CSMD2: variants seen among roughly 807,000 people sequenced by gnomAD.
The protein encoded by CSMD2 is CUB and sushi domain-containing protein 2.
Under a neutral mutation model 398.5 loss-of-function variants are expected in CSMD2, and 130 were observed. That is an observed-to-expected ratio of 0.33 (90% CI 0.28 to 0.38). CSMD2 has a LOEUF of 0.38. CSMD2 is among the 10% of genes least tolerant of loss of function. The pLI is 1.00. For synonymous variants in CSMD2, 1,828 were observed against 1,908.5 expected, an observed-to-expected ratio of 0.96 and a Z score of 1.10; for missense variants, 3,829 against 4,764.9, an observed-to-expected ratio of 0.80 and a Z score of 5.78.
chr1:33,738,770 A>T lies in CSMD2; in HGVS notation c.2368+370T>A, dbSNP rs1016017826. On this transcript the variant is annotated intron_variant, in intron 15 of 70. Transcript: ENST00000373381. ...GAAAGAGTGACAGGCAGCTTGAAAG[A>T]CCCGAAAACTCGCAGCGCTGCCAAT... Among the ~76,000 whole-genome samples the T allele has an allele frequency of 2.0e-5, 3 of 152,028 alleles. No homozygotes were observed. The East Asian group carries it at 5.8e-4, about 29-fold the overall frequency.
chr1:33,833,604 C>A (rs1341233707), intron 6 of CSMD2, among the ~76,000 whole-genome samples: 1 of 148,570 alleles, frequency 6.7e-6, no homozygotes, highest in African/African-American at 2.5e-5. Flanking sequence ...GACAGGGATG[C>A]CCTCTCTCAC....
chr1:34,072,665 G>A (rs919612266), intron 2 of CSMD2, among the ~76,000 whole-genome samples: 3 of 152,188 alleles, frequency 2.0e-5, no homozygotes, highest in African/African-American at 7.2e-5. Flanking sequence ...AGCAGACTTG[G>A]TGAATGAGCA....
chr1:33,727,580 A>G (rs1351550812), intron 15 of CSMD2, among the ~76,000 whole-genome samples: 1 of 152,070 alleles, frequency 6.6e-6, no homozygotes, highest in Admixed American at 6.5e-5. Context: ...AGTGCTGTAC[A>G]TCATGTCTCT....
intron 1 of CSMD2, among the ~76,000 whole-genome samples, chr1:34,142,501 C>T (rs1004640616): frequency 6.6e-6 from 1 of 152,210 alleles, no homozygotes; most frequent in Non-Finnish European, 1.5e-5. Flanking sequence ...CTGTTCAAGG[C>T]AGGCAGAAGG....
chr1:33,772,720 G>A lies in CSMD2; in HGVS notation c.1695C>T (p.Gly565=), dbSNP rs1214862559. 1.2e-6 allele frequency: 2 copies of A among 1,613,998 alleles called. No individual in the cohort carries two copies. The highest frequency in any genetic ancestry group is 2.2e-5 in the South Asian group (2 of 91,066). ...CTTCCCTCCGGCCATATGCAGGTAT[G>A]CCAGGGTCACCGCAACTGCCCTGCT... is the stretch of plus-strand genomic sequence containing the variant. The part of the protein sequence containing the change: ...EIEQGSCGDP[G]IPAYGRREGS... The change falls in exon 13 of 71, where the codon GGC becomes GGT. Residue 565 remains glycine (G), a synonymous_variant. Transcript: ENST00000373381.
chr1:33,827,477 C>T (rs1658963149), intron 6 of CSMD2, among the ~76,000 whole-genome samples: 1 of 152,220 alleles, frequency 6.6e-6, no homozygotes, highest in African/African-American at 2.4e-5. Context: ...AGTGTTTGTG[C>T]AAACACCATT....
intron 65 of CSMD2, among the ~76,000 whole-genome samples, chr1:33,525,272 A>G (rs1654671312): frequency 6.6e-6 from 1 of 152,232 alleles, no homozygotes; most frequent in African/African-American, 2.4e-5. Context: ...AGCATCATTC[A>G]CAATGTCCAA....
chr1:33,920,542 CAAAA>C (rs58865984), intron 4 of CSMD2, among the ~76,000 whole-genome samples: 4 of 84,214 alleles, frequency 4.7e-5, no homozygotes, highest in Middle Eastern at 8.3e-3. Context: ...CAATCTGTCT[CAAAA>C]AAAAAAAAAA....
chr1:33,575,976 T>C (rs1483869745), intron 49 of CSMD2, among the ~76,000 whole-genome samples: 1 of 152,194 alleles, frequency 6.6e-6, no homozygotes, highest in Non-Finnish European at 1.5e-5. Context: ...TGGCAATGTT[T>C]TCTTCTTTTT....
At chr1:34,165,673 A>G (rs1641824993), upstream of CSMD2, 3 of 1,415,010 alleles carry the variant, frequency 2.1e-6, no homozygotes. Context: ...CACCTCTTCC[A>G]CGTTTGGAAA....
chr1:33,797,739 G>A (rs961015761), intron 10 of CSMD2, among the ~76,000 whole-genome samples: 2 of 152,198 alleles, frequency 1.3e-5, no homozygotes, highest in East Asian at 1.9e-4. Flanking sequence ...GTCTTCTGCT[G>A]GAGGAAGGGC....
In CSMD2 at chr1:33,624,621, T is replaced by G. The variant is rs749906143; in HGVS notation, c.5523A>C (p.Thr1841=). ...GGGACAGGATGGTGCCCCTGCGCTC[T>G]GTGAGGTTGCCTCCACACGGCACTG... The part of the protein sequence containing the change: ...TCVVPCGGNL[T]ERRGTILSPG... Residue 1841 remains threonine (T), a synonymous_variant, in exon 35 of 71, where the codon ACA becomes ACC. Transcript: ENST00000373381. The surrounding 1 kb of genome is among the most constrained non-coding windows in gnomAD (Gnocchi z 4.7). The G allele has an allele frequency of 6.2e-7, 1 of 1,613,616 alleles. No homozygotes were observed. Among genetic ancestry groups the G allele is most frequent in the South Asian group, 1.1e-5 (1 of 91,068 alleles).
At chr1:33,691,443 A>T (rs1387611062) in intron 25 of CSMD2, among the ~76,000 whole-genome samples, 1 of 152,294 alleles carries the variant, frequency 6.6e-6, no homozygotes, top group East Asian at 1.9e-4. Context: ...GAGTTTAGCT[A>T]AAAAATTTGT....
intron 1 of CSMD2, among the ~76,000 whole-genome samples, chr1:34,098,832 G>C (rs1055358644): frequency 6.6e-6 from 1 of 152,088 alleles, no homozygotes; most frequent in African/African-American, 2.4e-5. Flanking sequence ...AGAAAACCTA[G>C]GTAATTATCT....
At chr1:34,033,934 A>G (rs1362000146) in intron 2 of CSMD2, among the ~76,000 whole-genome samples, 1 of 152,140 alleles carries the variant, frequency 6.6e-6, no homozygotes. Flanking sequence ...CTCAGAATAG[A>G]CTCAAGAAAA....
chr1:33,639,259 TCC>T (rs1642976386), intron 29 of CSMD2, among the ~76,000 whole-genome samples: 1 of 152,174 alleles, frequency 6.6e-6, no homozygotes, highest in Non-Finnish European at 1.5e-5. Flanking sequence ...CTGGGCGCTG[TCC>T]TCCAGATTTC....
chr1:34,109,911 T>G (rs986751482), intron 1 of CSMD2, among the ~76,000 whole-genome samples: 33 of 151,278 alleles, frequency 2.2e-4, no homozygotes, highest in African/African-American at 7.3e-4. Flanking sequence ...CGTGGTGGTG[T>G]GCGCCTGTAA....
chr1:33,634,070 A>C (rs546478705), intron 31 of CSMD2, among the ~76,000 whole-genome samples: 1 of 152,324 alleles, frequency 6.6e-6, no homozygotes, highest in African/African-American at 2.4e-5. Context: ...TCTGGGTAGC[A>C]GATCAGATTG....
chr1:33,596,161 G>C (rs1315809887), intron 44 of CSMD2, among the ~76,000 whole-genome samples: 1 of 152,128 alleles, frequency 6.6e-6, no homozygotes, highest in Non-Finnish European at 1.5e-5. Context: ...TGGAACCAAG[G>C]TTTCATTTCT....
Sources: gnomAD v4.1 joint callset for allele counts (sites outside exome capture counted in the v4.1 genomes callset) on GRCh38, gnomAD v4.1.1 for gene constraint, Gnocchi (gnomAD v3.1) non-coding constraint, MANE v1.5 for transcripts, NCBI Gene and HGNC (gene_info 2026-07-23, HGNC 2026-07-21) for gene names.